Variants in GALNT17 observed in about 807,000 individuals in gnomAD.
GALNT17 encodes the protein UDP-GalNAc:polypeptide N-acetylgalactosaminyltransferase-like 3.
GALNT17 carries 29 observed loss-of-function variants against 63.7 expected under a neutral mutation model. The ratio of observed to expected loss-of-function variants is 0.46; its 90% confidence interval spans 0.34 to 0.62. The LOEUF is 0.62. GALNT17 is among the 20% of genes least tolerant of loss of function. GALNT17 has a pLI of 0.01. For missense variants in GALNT17, 603 were observed against 799.6 expected (o/e 0.75, Z 2.97); for synonymous variants, 305 against 318.3 (o/e 0.96, Z 0.45).
chr7:71,307,458 A>G (rs180935411), intron 1 of GALNT17, among the ~76,000 whole-genome samples: 1 of 152,072 alleles, frequency 6.6e-6, no homozygotes, highest in East Asian at 2.0e-4. Context: ...TTCTGCCATG[A>G]GAGAGGAAAC....
At chr7:71,693,411 T>C (rs1791492444) in intron 9 of GALNT17, among the ~76,000 whole-genome samples, 1 of 151,350 alleles carries the variant, frequency 6.6e-6, no homozygotes, top group African/African-American at 2.4e-5. Flanking sequence ...GCATGTCCCT[T>C]CAATGATAGA....
intron 6 of GALNT17, among the ~76,000 whole-genome samples, chr7:71,638,260 T>A (rs1790555899): frequency 6.6e-6 from 1 of 152,216 alleles, no homozygotes; most frequent in South Asian, 2.1e-4. Context: ...CCAGCTTCTT[T>A]ACCGCAACTG....
Position 71,346,613 on chromosome 7 carries a change from C to T in GALNT17, c.422+10880C>T, listed in dbSNP as rs113306525. ...TGTGTGTATCTTCAAGGTCTGTGGA[C>T]GTCCCCACATCAACTGCCTAACCTT... is the stretch of plus-strand genomic sequence containing the variant. On this transcript the variant is annotated intron_variant, in intron 2 of 10. Coordinates refer to ENST00000333538, the MANE Select transcript of GALNT17 (RefSeq NM_022479.3). Among the ~76,000 whole-genome samples, 776 of 152,144 alleles carry T rather than the reference C, an allele frequency of 5.1e-3. 6 individuals are homozygous for T. The highest frequency in any genetic ancestry group is 0.017 in the African/African-American group (723 of 41,514).
intron 1 of GALNT17, among the ~76,000 whole-genome samples, chr7:71,322,190 G>A (rs1168012198): frequency 6.6e-6 from 1 of 151,952 alleles, no homozygotes; most frequent in African/African-American, 2.4e-5. Context: ...CTAGCCTCAA[G>A]CAGTCCTCCT....
chr7:71,190,845 G>A (rs1289569509), intron 1 of GALNT17, among the ~76,000 whole-genome samples: 2 of 151,820 alleles, frequency 1.3e-5, no homozygotes, highest in African/African-American at 4.8e-5. Flanking sequence ...TGCCCAGGCT[G>A]GTCTCAAACT....
Position 71,335,748 on chromosome 7 carries a change from A to G in GALNT17, c.422+15A>G. On this transcript the variant is annotated intron_variant, in intron 2 of 10. Coordinates refer to ENST00000333538, the MANE Select transcript of GALNT17 (RefSeq NM_022479.3). ...CGTCCCACCAAGTAAGTTCTGGTTC[A>G]GTCATTTGCGGAGCTTGATGGGTCG... 6.3e-7 allele frequency: 1 copy of G among 1,583,650 alleles called. No individual in the cohort carries two copies.
At chr7:71,294,706 C>T (rs190996678) in intron 1 of GALNT17, among the ~76,000 whole-genome samples, 145 of 152,164 alleles carry the variant, frequency 9.5e-4, no homozygotes, top group African/African-American at 3.3e-3. Flanking sequence ...TGAGACACCA[C>T]GCCTGGCCAT....
intron 1 of GALNT17, among the ~76,000 whole-genome samples, chr7:71,278,589 A>G (rs564501918): frequency 6.6e-6 from 1 of 152,316 alleles, no homozygotes; most frequent in Admixed American, 6.5e-5. Context: ...AAGAGGTTTG[A>G]CTCACACAGT....
At chr7:71,140,039 A>C (rs1787857672) in intron 1 of GALNT17, among the ~76,000 whole-genome samples, 1 of 152,118 alleles carries the variant, frequency 6.6e-6, no homozygotes, top group South Asian at 2.1e-4. Flanking sequence ...ACAAAAAGAG[A>C]GGGATGGCAT....
intron 1 of GALNT17, among the ~76,000 whole-genome samples, chr7:71,212,423 C>A (rs1422871528): frequency 6.6e-6 from 1 of 152,236 alleles, no homozygotes; most frequent in Non-Finnish European, 1.5e-5. Context: ...TCATGGAGAA[C>A]CTCTGCTAAG....
At chr7:71,140,716 G>A (rs893957481) in intron 1 of GALNT17, among the ~76,000 whole-genome samples, 1 of 152,144 alleles carries the variant, frequency 6.6e-6, no homozygotes, top group Non-Finnish European at 1.5e-5. Context: ...GATGACCTGC[G>A]AGTCTTTAAG....
chr7:71,398,842 C>A (rs1793186371), intron 3 of GALNT17, among the ~76,000 whole-genome samples: 1 of 152,234 alleles, frequency 6.6e-6, no homozygotes, highest in South Asian at 2.1e-4. Context: ...ATGTTATGTC[C>A]ATTTTATCAG....
At chr7:71,573,692 A>G (rs528946243) in intron 6 of GALNT17, among the ~76,000 whole-genome samples, 21 of 151,794 alleles carry the variant, frequency 1.4e-4, no homozygotes, top group Admixed American at 5.3e-4. Context: ...GTTCATGTGC[A>G]GGTTTGTTAT....
chr7:71,571,298 A>G lies in GALNT17; in HGVS notation c.976A>G (p.Ile326Val), dbSNP rs1483362005. Residue 326 changes from isoleucine to valine, a missense_variant, in exon 6 of 11, where the codon ATA (isoleucine) becomes GTA (valine). Ile to Val is a conservative substitution (Grantham distance 29). Coordinates refer to ENST00000333538, the MANE Select transcript of GALNT17 (RefSeq NM_022479.3). Reference protein sequence around the residue: ...PSLPIRTPAMIGCSFVVNRKF... With the variant: ...PSLPIRTPAMVGCSFVVNRKF... ...TCCCTCCCTCAGGACCCCAGCCATG[A>G]TAGGCTGCTCGTTCGTGGTCAACAG... 3.7e-6 allele frequency: 6 copies of G among 1,613,874 alleles called. No homozygotes were observed. Among genetic ancestry groups the G allele is most frequent in the Non-Finnish European group, 5.1e-6 (6 of 1,179,916 alleles).
intron 1 of GALNT17, among the ~76,000 whole-genome samples, chr7:71,168,165 T>C (rs1788479799): frequency 1.3e-5 from 2 of 152,230 alleles, no homozygotes; most frequent in South Asian, 4.1e-4. Flanking sequence ...GGACTCTGTA[T>C]TCTGTCCATT....
At chr7:71,304,812 C>T (rs1280257956) in intron 1 of GALNT17, among the ~76,000 whole-genome samples, 2 of 151,896 alleles carry the variant, frequency 1.3e-5, no homozygotes, top group Non-Finnish European at 2.9e-5. Flanking sequence ...TGCAATGGCA[C>T]GATCTCGGTT....
intron 5 of GALNT17, among the ~76,000 whole-genome samples, chr7:71,443,325 C>T (rs28595875): frequency 3.3e-5 from 5 of 152,062 alleles, no homozygotes; most frequent in East Asian, 1.9e-4. Flanking sequence ...GGTCTTTACA[C>T]GCACTGTTTC....
chr7:71,332,659 G>T (rs1791826979), intron 1 of GALNT17, among the ~76,000 whole-genome samples: 1 of 151,524 alleles, frequency 6.6e-6, no homozygotes, highest in South Asian at 2.1e-4. Flanking sequence ...TTAACAACTG[G>T]TTTGAGTTTT....
intron 2 of GALNT17, among the ~76,000 whole-genome samples, chr7:71,375,517 C>T (rs535694137): frequency 1.3e-5 from 2 of 152,188 alleles, no homozygotes; most frequent in African/African-American, 4.8e-5. Context: ...AGGACTCAGG[C>T]GATCCTCTCA....
Sources: gnomAD v4.1 joint callset for allele counts (sites outside exome capture counted in the v4.1 genomes callset) on GRCh38, gnomAD v4.1.1 for gene constraint, MANE v1.5 for transcripts, NCBI Gene and HGNC (gene_info 2026-07-23, HGNC 2026-07-21) for gene names.